RNLS: variants seen among roughly 807,000 people sequenced by gnomAD.
RNLS encodes renalase.
Under a neutral mutation model 39.8 loss-of-function variants are expected in RNLS, and 39 were observed. The ratio of observed to expected loss-of-function variants is 0.98; its 90% CI spans 0.76 to 1.28. The LOEUF is 1.28. RNLS is among the 50% of genes most tolerant of loss of function. RNLS has a pLI of 0.00. For synonymous variants in RNLS, 147 were observed against 150.7 expected, an observed-to-expected ratio of 0.98 and a Z score of 0.18; for missense variants, 410 against 413.3, an observed-to-expected ratio of 0.99 and a Z score of 0.07.
At chr10:88,524,293 TA>T (rs2134209454) in intron 4 of RNLS, among the ~76,000 whole-genome samples, 1 of 152,264 alleles carries the variant, frequency 6.6e-6, no homozygotes, top group Admixed American at 6.6e-5. Context: ...ATTGTGACGT[TA>T]AAAAGGTTTT....
chr10:88,176,854 T>G, the RNLS span, among the ~76,000 whole-genome samples: 2 of 152,246 alleles, frequency 1.3e-5, no homozygotes, highest in Non-Finnish European at 2.9e-5. Flanking sequence ...TTCTGAGAGA[T>G]AGCTTTGCTA....
chr10:88,543,525 T>C (rs985985088), intron 4 of RNLS, among the ~76,000 whole-genome samples: 4 of 152,198 alleles, frequency 2.6e-5, no homozygotes, highest in Admixed American at 2.6e-4. Flanking sequence ...TGTGAAAGTT[T>C]AATCTGATTA....
chr10:88,324,898 T>C (rs1846473782), intron 5 of RNLS, among the ~76,000 whole-genome samples: 1 of 152,160 alleles, frequency 6.6e-6, no homozygotes, highest in African/African-American at 2.4e-5. Flanking sequence ...AGTCATACAG[T>C]ATTTGTCCTT....
intron 5 of RNLS, among the ~76,000 whole-genome samples, chr10:88,326,825 T>C (rs1846653323): frequency 6.6e-6 from 1 of 152,194 alleles, no homozygotes; most frequent in South Asian, 2.1e-4. Flanking sequence ...AGGAGGGCTG[T>C]ATCTTGCAAA....
intron 4 of RNLS, among the ~76,000 whole-genome samples, chr10:88,465,929 C>A (rs563868161): frequency 6.6e-6 from 1 of 151,954 alleles, no homozygotes; most frequent in African/African-American, 2.4e-5. Flanking sequence ...TTCAGGTCAA[C>A]CACTACTGGC....
chr10:88,417,164 A>G (rs943084388), intron 4 of RNLS, among the ~76,000 whole-genome samples: 1 of 152,084 alleles, frequency 6.6e-6, no homozygotes, highest in Non-Finnish European at 1.5e-5. Flanking sequence ...CTTCTGGGAG[A>G]AGTTGTAATT....
intron 4 of RNLS, among the ~76,000 whole-genome samples, chr10:88,539,044 A>G (rs1490301343): frequency 6.6e-6 from 1 of 152,102 alleles, no homozygotes; most frequent in Non-Finnish European, 1.5e-5. Context: ...GTGAACATAA[A>G]CTGTAGTTTT....
chr10:88,292,534 C>A (rs1005222587), intron 6 of RNLS, among the ~76,000 whole-genome samples: 3 of 150,010 alleles, frequency 2.0e-5, no homozygotes, highest in Non-Finnish European at 4.4e-5. Context: ...TCTCCTGATA[C>A]TGATCTCTTA....
chr10:88,442,872 T>TTGGAG, intron 4 of RNLS, among the ~76,000 whole-genome samples: 1 of 152,212 alleles, frequency 6.6e-6, no homozygotes. Flanking sequence ...GATCCTAACA[T>TTGGAG]GAGGCCCTCC....
chr10:88,389,437 C>A (rs1283938865), intron 4 of RNLS, among the ~76,000 whole-genome samples: 1 of 152,040 alleles, frequency 6.6e-6, no homozygotes. Flanking sequence ...GATTAACATA[C>A]CCTTAGCAAA....
chr10:88,397,372 C>T (rs985765658), intron 4 of RNLS, among the ~76,000 whole-genome samples: 5 of 151,686 alleles, frequency 3.3e-5, no homozygotes, highest in Non-Finnish European at 7.4e-5. Context: ...CAACACACAC[C>T]TAAATAGGAC....
intron 4 of RNLS, among the ~76,000 whole-genome samples, chr10:88,483,478 T>C (rs1053757203): frequency 5.9e-5 from 9 of 152,166 alleles, no homozygotes; most frequent in African/African-American, 2.2e-4. Flanking sequence ...TGGCAAATTT[T>C]CTTGTTAACT....
intron 4 of RNLS, among the ~76,000 whole-genome samples, chr10:88,399,066 G>T (rs1394892252): frequency 6.6e-6 from 1 of 151,828 alleles, no homozygotes; most frequent in African/African-American, 2.4e-5. Context: ...TAGGGAAATG[G>T]AAATCAAAAC....
At chr10:88,235,987 T>A in the RNLS span, among the ~76,000 whole-genome samples, 3 of 152,154 alleles carry the variant, frequency 2.0e-5, no homozygotes. Context: ...TAAGAAATTA[T>A]GTGAAAATTT....
the RNLS span, among the ~76,000 whole-genome samples, chr10:88,204,891 A>G: frequency 3.2e-4 from 48 of 152,340 alleles, no homozygotes; most frequent in African/African-American, 9.6e-4. Flanking sequence ...TGAGCAAGAA[A>G]GACATGGTCC....
At chr10:88,360,430 ATTAT>A (rs1849546582) in intron 5 of RNLS, among the ~76,000 whole-genome samples, 1 of 151,986 alleles carries the variant, frequency 6.6e-6, no homozygotes, top group African/African-American at 2.4e-5. Context: ...GATTAGTATT[ATTAT>A]TTATTGTTAT....
chr10:88,402,100 AT>A (rs200110612), intron 4 of RNLS, among the ~76,000 whole-genome samples: 1 of 151,936 alleles, frequency 6.6e-6, no homozygotes, highest in African/African-American at 2.4e-5. Flanking sequence ...AAGAATGAGG[AT>A]TTTTTTATCA....
chr10:88,218,262 T>C, the RNLS span, among the ~76,000 whole-genome samples: 1 of 152,182 alleles, frequency 6.6e-6, no homozygotes, highest in Non-Finnish European at 1.5e-5. Context: ...TGTCAAAATA[T>C]AAGCTAAGTA....
chr10:88,325,481 G>C (rs543401060), intron 5 of RNLS, among the ~76,000 whole-genome samples: 15 of 152,280 alleles, frequency 9.9e-5, no homozygotes, highest in South Asian at 6.2e-4. Context: ...AGAGCACTAA[G>C]ATTTAGAAGG....
Sources: allele counts gnomAD v4.1 joint callset (sites outside exome capture counted in the v4.1 genomes callset), GRCh38; gene constraint gnomAD v4.1.1; transcripts MANE v1.5; gene names NCBI Gene and HGNC (gene_info 2026-07-23, HGNC 2026-07-21).